The following C6orf136 variants were observed in gnomAD, a reference collection of about 807,000 sequenced individuals.
C6orf136 encodes the protein uncharacterized protein C6orf136.
In C6orf136, 29 loss-of-function variants were observed where a neutral mutation model predicts 44.0. That is an observed-to-expected ratio of 0.66 (90% CI 0.49 to 0.90). C6orf136 has a LOEUF of 0.90. C6orf136 is among the 40% of genes least tolerant of loss of function. The pLI is 0.00. For synonymous variants in C6orf136, 293 were observed against 278.6 expected (o/e 1.05, Z -0.52); for missense variants, 628 against 669.3 (o/e 0.94, Z 0.68).
At position 30,649,977 on chromosome 6, in the gene C6orf136, T is replaced by C. The variant is rs754011654; in HGVS notation, c.1017+18T>C. On this transcript the variant is annotated intron_variant, in intron 2 of 5. Transcript: ENST00000651131. Reference sequence around the variant, plus strand: ...GACAAGAGGTAAGTCAGTGCAAAAGTGGCCTTCGTCTACAGTGGGAAGGAT... The same window carrying C: ...GACAAGAGGTAAGTCAGTGCAAAAGCGGCCTTCGTCTACAGTGGGAAGGAT... 4.4e-6 allele frequency: 7 copies of C among 1,608,130 alleles called. No homozygotes were observed. Among genetic ancestry groups the C allele is most frequent in the Non-Finnish European group, 5.9e-6 (7 of 1,178,888 alleles).
At chr6:30,648,249 G>A (rs1487181419) in intron 1 of C6orf136, among the ~76,000 whole-genome samples, 1 of 152,074 alleles carries the variant, frequency 6.6e-6, no homozygotes, top group African/African-American at 2.4e-5. Flanking sequence ...TTTTTTCTCT[G>A]TACATTTGCC....
chr6:30,649,953 A>G lies in C6orf136; in HGVS notation c.1011A>G (p.Arg337=). 1.9e-6 allele frequency: 3 copies of G among 1,613,016 alleles called. No homozygotes were observed. Among genetic ancestry groups the G allele is most frequent in the Non-Finnish European group, 2.5e-6 (3 of 1,179,876 alleles). Residue 337 remains arginine, a synonymous_variant, in exon 2 of 6, where the codon AGA becomes AGG. Transcript: ENST00000651131. ...EHLSVMYERL[R]QELPKLFLQS... Reference sequence around the variant, plus strand: ...TGTCTGTCATGTATGAGAGACTGAGACAAGAGGTAAGTCAGTGCAAAAGTG... The same window carrying G: ...TGTCTGTCATGTATGAGAGACTGAGGCAAGAGGTAAGTCAGTGCAAAAGTG...
At chr6:30,651,207 G>T in intron 3 of C6orf136, 59 bp from the exon 4 acceptor site, 1 of 1,598,198 alleles carries the variant, frequency 6.3e-7, no homozygotes, top group Non-Finnish European at 8.6e-7. Context: ...TTCCTTAGAA[G>T]CCAGTTTGGT....
At chr6:30,651,857 T>C (rs1485282212) in intron 4 of C6orf136, among the ~76,000 whole-genome samples, 1 of 151,484 alleles carries the variant, frequency 6.6e-6, no homozygotes, top group Non-Finnish European at 1.5e-5. Flanking sequence ...GTTTAGTTTA[T>C]GTTAATGTTA....
In C6orf136 at chr6:30,647,480, G is replaced by T. The variant is rs975077908; in HGVS notation, c.249G>T (p.Arg83Ser). 2.7e-6 allele frequency: 4 copies of T among 1,486,414 alleles called. No individual in the cohort carries two copies. In the African/African-American group the frequency reaches 4.2e-5, roughly 16 times the overall value. 92.1% of individuals were successfully genotyped at this position (1,486,414 alleles called of 1,614,324 possible). Residue 83 changes from arginine (R) to serine (S), a missense_variant, in exon 1 of 6, where the codon AGG (arginine) becomes AGT (serine). Arg to Ser is a moderately radical substitution (Grantham distance 110). Transcript: ENST00000651131. This position sits in a 1 kb window ranked among gnomAD's most constrained non-coding sequence, Gnocchi z 4.8. ...DRLGVAGAGGRRCRACRARTS... is the reference protein window; with the variant it reads ...DRLGVAGAGGSRCRACRARTS... ...TAGGGGTCGCGGGAGCGGGAGGGAG[G>T]CGCTGCCGGGCCTGTCGCGCAAGGA...
chr6:30,647,713 G>A lies in C6orf136; in HGVS notation c.482G>A (p.Arg161His), dbSNP rs1184778678. Residue 161 changes from arginine (R) to histidine (H), a missense_variant, in exon 1 of 6, where the codon CGT (arginine) becomes CAT (histidine). By Grantham distance (29) the Arg-to-His change is conservative. Around this residue, in one of 2 missense-constraint regions of C6orf136, gnomAD observed 497 missense variants for 469.2 expected, o/e 1.06. Transcript: ENST00000651131. This position sits in a 1 kb window ranked among gnomAD's most constrained non-coding sequence, Gnocchi z 4.8. ...GCGGGGCGCCCTCAGCAGCCCGCCC[G>A]TCTTGCACTCGGAGAGCGGTCCTGG... ...RPAGRPQQPA[R>H]LALGERSWQE... The A allele has an allele frequency of 2.5e-5, 39 of 1,550,078 alleles. 1 individual carries two copies. The East Asian group carries it at 9.3e-4, about 37-fold the overall frequency.
At chr6:30,650,387 A>C (rs1275813796) in intron 2 of C6orf136, among the ~76,000 whole-genome samples, 1 of 116,744 alleles carries the variant, frequency 8.6e-6, no homozygotes, top group Admixed American at 8.5e-5. Flanking sequence ...ACTCCGTCTC[A>C]AAAAAAAAAA....
At chr6:30,651,200 C>A (rs1040782014) in intron 3 of C6orf136, 66 bp from the exon 4 acceptor site, 238 of 1,593,440 alleles carry the variant, frequency 1.5e-4, no homozygotes, top group Non-Finnish European at 2.0e-4. Flanking sequence ...TTCCCCATTC[C>A]TTAGAAGCCA....
At chr6:30,649,136 G>A (rs777793531) in intron 1 of C6orf136, among the ~76,000 whole-genome samples, 10 of 152,206 alleles carry the variant, frequency 6.6e-5, no homozygotes, top group Admixed American at 2.0e-4. Flanking sequence ...AGGCAGAGGC[G>A]GGTGGATCAC....
Position 30,652,909 on chromosome 6 carries a change from G to A in C6orf136, c.1485G>A (p.Lys495=), listed in dbSNP as rs1386365084. Residue 495 remains lysine (K), a synonymous_variant, in exon 6 of 6, where the codon AAG becomes AAA. Coordinates refer to ENST00000651131, the MANE Select transcript of C6orf136 (RefSeq NM_001161376.2). The part of the protein sequence containing the change: ...EPEPDLNLCS[K]P ...AACCTGACTTAAACCTGTGTTCCAA[G>A]CCCTGATCCTTGACCTTGGAGTGGA... 1 of 1,612,598 alleles carries A rather than the reference G, an allele frequency of 6.2e-7. No homozygotes were observed. The highest frequency in any genetic ancestry group is 1.1e-5 in the South Asian group (1 of 91,072).
intron 4 of C6orf136, 101 bp downstream of exon 4, chr6:30,651,567 C>T (rs1040894143): frequency 1.3e-5 from 15 of 1,196,158 alleles, no homozygotes; most frequent in African/African-American, 1.5e-5. Flanking sequence ...AGTGCAGTGG[C>T]GTGATCTCAG....
Position 30,649,946 on chromosome 6 carries a change from G to A in C6orf136, c.1004G>A (p.Arg335Lys), listed in dbSNP as rs772416989. The A allele has an allele frequency of 6.2e-7, 1 of 1,613,320 alleles. No individual in the cohort carries two copies. The highest frequency in any genetic ancestry group is 1.1e-5 in the South Asian group (1 of 91,060). The change falls in exon 2 of 6, where the codon AGA (arginine) becomes AAA (lysine). Residue 335 changes from arginine to lysine, a missense_variant. Arg to Lys is a conservative substitution (Grantham distance 26). Around this residue, in one of 2 missense-constraint regions of C6orf136, gnomAD observed 497 missense variants for 469.2 expected, o/e 1.06. Transcript: ENST00000651131. The part of the protein sequence containing the change: ...MEEHLSVMYE[R>K]LRQELPKLFL... The stretch of plus-strand genomic sequence containing the variant: ...GAACATCTGTCTGTCATGTATGAGA[G>A]ACTGAGACAAGAGGTAAGTCAGTGC...
Position 30,651,395 on chromosome 6 carries a change from G to A in C6orf136, c.1236G>A (p.Trp412Ter), listed in dbSNP as rs751193071. ...HPENWTLQAR[W>*]RLVGLPVHLL... is the part of the protein sequence containing the mutation. ...AGAACTGGACCCTGCAAGCCCGGTG[G>A]CGGCTTGTGGGGCTGCCCGTCCACT... The change falls in exon 4 of 6, where the codon TGG becomes TGA. Residue 412 changes from tryptophan to a stop codon, truncating the protein, a stop_gained. Coordinates refer to ENST00000651131, the MANE Select transcript of C6orf136 (RefSeq NM_001161376.2). LOFTEE classifies it high-confidence loss of function. The A allele has an allele frequency of 6.2e-7, 1 of 1,613,566 alleles. No homozygotes were observed. The highest frequency in any genetic ancestry group is 8.5e-7 in the Non-Finnish European group (1 of 1,180,044).
intron 4 of C6orf136, 169 bp from the exon 5 acceptor site, chr6:30,652,479 A>C (rs1767525705): frequency 1.5e-6 from 1 of 677,442 alleles, no homozygotes; most frequent in Non-Finnish European, 2.7e-6. Flanking sequence ...GACGCCAAAC[A>C]CTCTGATTTA....
In C6orf136 at chr6:30,647,308, GC is replaced by G; in HGVS notation, c.78del (p.Ser26ArgfsTer50). The G allele has an allele frequency of 1.3e-6, 2 of 1,596,846 alleles. No individual in the cohort carries two copies. The highest frequency in any genetic ancestry group is 1.7e-6 in the Non-Finnish European group (2 of 1,173,898). ...LRAYQARPQV[S>X]GGEEGGRRGG... ...GCCTACCAGGCTCGACCCCAGGTGA[GC>G]GGAGGAGAAGAGGGAGGGAGGAGAG... On this transcript the variant is annotated frameshift_variant, in exon 1 of 6. Coordinates refer to ENST00000651131, the MANE Select transcript of C6orf136 (RefSeq NM_001161376.2). LOFTEE classifies it high-confidence loss of function. The surrounding 1 kb of genome is among the most constrained non-coding windows in gnomAD (Gnocchi z 4.8).
At chr6:30,649,500 T>TC in intron 1 of C6orf136, 58 bp from the exon 2 acceptor site, 2 of 1,494,282 alleles carry the variant, frequency 1.3e-6, no homozygotes, top group Non-Finnish European at 1.8e-6. Context: ...ATCCAGGGGA[T>TC]CAAGGGGTGT....
At position 30,649,564 on chromosome 6, in the gene C6orf136, CTT is replaced by C; in HGVS notation, c.624_625del (p.Tyr209SerfsTer70). 1 of 1,581,534 alleles carries C rather than the reference CTT, an allele frequency of 6.3e-7. No homozygotes were observed. The highest frequency in any genetic ancestry group is 8.5e-7 in the Non-Finnish European group (1 of 1,171,932). Reference protein sequence around the residue: ...SRTPSGTEDQLYPGTLPFPPL... With the variant: ...SRTPSGTEDQXYPGTLPFPPL... ...TTCTGTTCTTTCTCCTTAGGACCAG[CTT>C]TATCCAGGGACTCTACCATTCCCAC... On this transcript the variant is annotated frameshift_variant, in exon 2 of 6. Transcript: ENST00000651131. LOFTEE classifies it high-confidence loss of function.
Position 30,652,704 on chromosome 6 carries a change from A to G in C6orf136, c.1364A>G (p.His455Arg). 2 of 1,613,022 alleles carry G rather than the reference A, an allele frequency of 1.2e-6. No homozygotes were observed. The highest frequency in any genetic ancestry group is 2.2e-5 in the South Asian group (2 of 91,080). The change falls in exon 5 of 6, where the codon CAT becomes CGT. Residue 455 changes from histidine to arginine, a missense_variant. This residue lies in a region of C6orf136 where 131 missense variants were observed against 200.1 expected (regional missense o/e 0.65). Transcript: ENST00000651131. Reference protein sequence around the residue: ...YLNSSGLICRHRLDKLMPSHS... With the variant: ...YLNSSGLICRRRLDKLMPSHS... ...AATTCCAGTGGCCTCATTTGTCGCC[A>G]TCGTCTAGATAAAGTGAGTCCTAGG...
chr6:30,649,795 C>T lies in C6orf136; in HGVS notation c.853C>T (p.Leu285=), dbSNP rs769030609. 2 of 1,614,126 alleles carry T rather than the reference C, an allele frequency of 1.2e-6. No individual in the cohort carries two copies. The highest frequency in any genetic ancestry group is 2.7e-5 in the African/African-American group (2 of 75,030). The change falls in exon 2 of 6, where the codon CTG becomes TTG. Residue 285 remains leucine, a synonymous_variant. Transcript: ENST00000651131. ...AGGACCTGAGTTGCATAGCGGCTGC[C>T]TGGATGGGCTTAGAAGCCTTTTTGA... is the stretch of plus-strand genomic sequence containing the variant. The part of the protein sequence containing the change: ...GPGPELHSGC[L]DGLRSLFEGP...
Sources: allele counts gnomAD v4.1 joint callset (sites outside exome capture counted in the v4.1 genomes callset), GRCh38; gene constraint gnomAD v4.1.1; regional missense constraint gnomAD v4.1.1; non-coding constraint Gnocchi (gnomAD v3.1); transcripts MANE v1.5; gene names NCBI Gene and HGNC (gene_info 2026-07-23, HGNC 2026-07-21).